AGAP1: variants seen among roughly 807,000 people sequenced by gnomAD.
AGAP1 encodes the protein arf-GAP with GTPase, ANK repeat and PH domain-containing protein 1.
A neutral mutation model predicts 105.3 loss-of-function variants in AGAP1; 29 were observed. The observed-to-expected ratio is 0.28, with a 90% confidence interval of 0.21 to 0.38. The LOEUF (loss-of-function observed/expected upper bound fraction) is 0.38. Ranked by LOEUF, AGAP1 falls within the 10% of genes least tolerant of loss-of-function variation. AGAP1 has a pLI of 1.00. For missense variants in AGAP1, 998 were observed against 1,165.1 expected (o/e 0.86, Z 2.09); for synonymous variants, 509 against 485.9 (o/e 1.05, Z -0.63).
rs1281369518 is a variant in AGAP1 at position 235,664,958 on chromosome 2, C to T, written c.164-44221C>T. 3.3e-5 allele frequency among the ~76,000 whole-genome samples: 5 copies of T among 152,144 alleles called. No homozygotes were observed. The highest frequency in any genetic ancestry group is 4.8e-5 in the African/African-American group (2 of 41,432). ...AACGTTAGCCAAGCATGGTGGCTCA[C>T]GCCTGTAATCCCAGCACTTTAGGAG... On this transcript the variant is annotated intron_variant, in intron 1 of 17. Transcript: ENST00000304032. This position sits in a 1 kb window ranked among gnomAD's most constrained non-coding sequence, Gnocchi z 5.7.
At chr2:235,783,963 TGGACGGACGGACGGAC>T (rs151167254) in intron 6 of AGAP1, among the ~76,000 whole-genome samples, 1 of 151,722 alleles carries the variant, frequency 6.6e-6, no homozygotes, top group Admixed American at 6.6e-5. Context: ...GAAAATGAAA[TGGACGGACGGACGGAC>T]GGATGGACGG....
At position 235,963,922 on chromosome 2, in the gene AGAP1, G is replaced by T. The variant is rs1430910148; in HGVS notation, c.1484-4540G>T. Among the ~76,000 whole-genome samples the T allele has an allele frequency of 1.3e-5, 2 of 151,102 alleles. No homozygotes were observed. The highest frequency in any genetic ancestry group is 2.9e-5 in the Non-Finnish European group (2 of 68,020). ...GGCATAGCTAATGTGTGTGTTCTGA[G>T]TGTCTTCGAAATAGCGGTGTACACT... On this transcript the variant is annotated intron_variant, in intron 12 of 17. Coordinates refer to ENST00000304032, the MANE Select transcript of AGAP1 (RefSeq NM_001037131.3). This position sits in a 1 kb window ranked among gnomAD's most constrained non-coding sequence, Gnocchi z 5.1.
rs559688345 is a variant in AGAP1 at position 236,050,065 on chromosome 2, C to T, written c.2114+784C>T. Among the ~76,000 whole-genome samples the T allele has an allele frequency of 2.0e-4, 31 of 152,272 alleles. No homozygotes were observed. Among genetic ancestry groups the T allele is most frequent in the African/African-American group, 6.7e-4 (28 of 41,552 alleles). On this transcript the variant is annotated intron_variant, in intron 16 of 17. Coordinates refer to ENST00000304032, the MANE Select transcript of AGAP1 (RefSeq NM_001037131.3). This position sits in a 1 kb window ranked among gnomAD's most constrained non-coding sequence, Gnocchi z 4.0. ...AAGTGGGAGGTTGAGGTTTGCTGTCCGTGTTTGCCTCTCAGGTGTCTGAAG... is the reference window on the plus strand; with the variant it reads ...AAGTGGGAGGTTGAGGTTTGCTGTCTGTGTTTGCCTCTCAGGTGTCTGAAG...
At chr2:235,903,132 T>C (rs2051143253) in intron 10 of AGAP1, among the ~76,000 whole-genome samples, 1 of 152,098 alleles carries the variant, frequency 6.6e-6, no homozygotes, top group Non-Finnish European at 1.5e-5. Context: ...TTTTCAGTAT[T>C]ATATATTAAT....
At chr2:235,581,328 G>A (rs1290545235) in intron 1 of AGAP1, among the ~76,000 whole-genome samples, 4 of 151,578 alleles carry the variant, frequency 2.6e-5, no homozygotes, top group African/African-American at 9.7e-5. Context: ...AAAGATGGAG[G>A]GTGAAAGAGA....
intron 1 of AGAP1, among the ~76,000 whole-genome samples, chr2:235,624,550 A>T (rs533902167): frequency 6.6e-6 from 1 of 152,292 alleles, no homozygotes; most frequent in South Asian, 2.1e-4. Flanking sequence ...ATATTTCATT[A>T]CTTAAATATT....
Position 235,744,346 on chromosome 2 carries a change from T to C in AGAP1, c.397-352T>C, listed in dbSNP as rs1952766124. ...TTGAGGGGCTCTGGCAGGAGGTGGG[T>C]CTGGCCTTCTGTCTGCGGGGCCGCC... On this transcript the variant is annotated intron_variant, in intron 4 of 17. Transcript: ENST00000304032. This position sits in a 1 kb window ranked among gnomAD's most constrained non-coding sequence, Gnocchi z 5.2. Among the ~76,000 whole-genome samples, 1 of 152,150 alleles carries C rather than the reference T, an allele frequency of 6.6e-6. No homozygotes were observed. The highest frequency in any genetic ancestry group is 2.4e-5 in the African/African-American group (1 of 41,422).
intron 8 of AGAP1, among the ~76,000 whole-genome samples, chr2:235,802,156 C>A (rs1173591582): frequency 1.3e-5 from 2 of 152,116 alleles, no homozygotes; most frequent in Non-Finnish European, 1.5e-5. Context: ...CAGAGTCAAC[C>A]CATGTTCAAG....
In AGAP1 at chr2:235,799,198, T is replaced by C. The variant is rs944251503; in HGVS notation, c.802-169T>C. Among the ~76,000 whole-genome samples the C allele has an allele frequency of 6.6e-6, 1 of 152,234 alleles. No individual in the cohort carries two copies. Among genetic ancestry groups the C allele is most frequent in the African/African-American group, 2.4e-5 (1 of 41,466 alleles). On this transcript the variant is annotated intron_variant, in intron 7 of 17. Transcript: ENST00000304032. This position sits in a 1 kb window ranked among gnomAD's most constrained non-coding sequence, Gnocchi z 5.0. ...ATTGGCATGTTCCAGGATGAGACTC[T>C]GTAGACATGACACTAATACACCTGG...
At chr2:235,585,615 A>T (rs896706181) in intron 1 of AGAP1, among the ~76,000 whole-genome samples, 1 of 152,116 alleles carries the variant, frequency 6.6e-6, no homozygotes, top group Non-Finnish European at 1.5e-5. Flanking sequence ...TGATCCTTAC[A>T]TCATCATCTG....
rs777237994 is a variant in AGAP1 at position 235,725,795 on chromosome 2, A to G, written c.310+8151A>G. On this transcript the variant is annotated intron_variant, in intron 3 of 17. Coordinates refer to ENST00000304032, the MANE Select transcript of AGAP1 (RefSeq NM_001037131.3). The surrounding 1 kb of genome is among the most constrained non-coding windows in gnomAD (Gnocchi z 5.7). ...CATTCCCCTTTGTTCTTGTCTTCCT[A>G]TGTGTGTGACAGTCCCTAACTTGAC... Among the ~76,000 whole-genome samples the G allele has an allele frequency of 2.0e-5, 3 of 152,166 alleles. No homozygotes were observed. Among genetic ancestry groups the G allele is most frequent in the African/African-American group, 4.8e-5 (2 of 41,418 alleles).
chr2:236,040,477 G>T lies in AGAP1; in HGVS notation c.1801-274G>T. 4.0e-6 allele frequency: 2 copies of T among 494,808 alleles called. No individual in the cohort carries two copies. The highest frequency in any genetic ancestry group is 7.3e-6 in the Non-Finnish European group (2 of 274,786). 30.7% of individuals were successfully genotyped at this position (494,808 alleles called of 1,614,324 possible). The stretch of plus-strand genomic sequence containing the variant: ...CCATGGTCCATGCGTATTCACAGAT[G>T]ATCCAGAACTCTCCTCTTTGCTCAT... On this transcript the variant is annotated intron_variant, in intron 14 of 17. Coordinates refer to ENST00000304032, the MANE Select transcript of AGAP1 (RefSeq NM_001037131.3). This position sits in a 1 kb window ranked among gnomAD's most constrained non-coding sequence, Gnocchi z 5.6.
At position 235,574,316 on chromosome 2, in the gene AGAP1, TCCCTTAC is replaced by T. The variant is rs1171870478; in HGVS notation, c.163+79469_163+79475del. Reference sequence around the variant, plus strand: ...TTCCGAACAGAAAAGCTGAAAATGTTCCCTTACCTTAAGGGAAAGGCCTCAATGGATT... The same window carrying T: ...TTCCGAACAGAAAAGCTGAAAATGTTCTTAAGGGAAAGGCCTCAATGGATT... On this transcript the variant is annotated intron_variant, in intron 1 of 17. Coordinates refer to ENST00000304032, the MANE Select transcript of AGAP1 (RefSeq NM_001037131.3). The surrounding 1 kb of genome is among the most constrained non-coding windows in gnomAD (Gnocchi z 5.0). 2.0e-5 allele frequency among the ~76,000 whole-genome samples: 3 copies of T among 152,242 alleles called. No individual in the cohort carries two copies. Among genetic ancestry groups the T allele is most frequent in the Non-Finnish European group, 4.4e-5 (3 of 68,042 alleles).
chr2:235,957,594 T>C lies in AGAP1; in HGVS notation c.1484-10868T>C, dbSNP rs1477565504. On this transcript the variant is annotated intron_variant, in intron 12 of 17. Coordinates refer to ENST00000304032, the MANE Select transcript of AGAP1 (RefSeq NM_001037131.3). This position sits in a 1 kb window ranked among gnomAD's most constrained non-coding sequence, Gnocchi z 4.6. ...CTGAAAGCTCCCGTCAAAAGGACTA[T>C]GCGAAGGGGTGAGGTTTTGAACCTC... 6.6e-6 allele frequency among the ~76,000 whole-genome samples: 1 copy of C among 152,224 alleles called. No homozygotes were observed. The highest frequency in any genetic ancestry group is 1.5e-5 in the Non-Finnish European group (1 of 68,032).
At chr2:235,774,247 A>G in intron 6 of AGAP1, 1 of 424,270 alleles carries the variant, frequency 2.4e-6, no homozygotes, top group South Asian at 1.8e-5. Flanking sequence ...GAAAATCCGT[A>G]AGGCAGAAAT....
intron 1 of AGAP1, among the ~76,000 whole-genome samples, chr2:235,518,817 G>T (rs1483626567): frequency 6.6e-6 from 1 of 152,176 alleles, no homozygotes; most frequent in South Asian, 2.1e-4. Context: ...CATGTCCTCA[G>T]GTTAAACTTC....
intron 2 of AGAP1, among the ~76,000 whole-genome samples, chr2:235,715,703 G>A (rs893273489): frequency 6.6e-6 from 1 of 152,120 alleles, no homozygotes; most frequent in African/African-American, 2.4e-5. Flanking sequence ...TGGTGTTCTC[G>A]GGTTGAAAAG....
rs766940723 is a variant in AGAP1, at chr2:235,993,045, T to C, written c.1645+24422T>C. On this transcript the variant is annotated intron_variant, in intron 13 of 17. Transcript: ENST00000304032. The surrounding 1 kb of genome is among the most constrained non-coding windows in gnomAD (Gnocchi z 5.0). ...CGTTACAAAAAACCAGTTTAAGACA[T>C]GGACTTTTTTCATATGTACATCTGA... 1.3e-5 allele frequency among the ~76,000 whole-genome samples: 2 copies of C among 152,194 alleles called. No individual in the cohort carries two copies. Among genetic ancestry groups the C allele is most frequent in the Non-Finnish European group, 2.9e-5 (2 of 68,024 alleles).
intron 2 of AGAP1, among the ~76,000 whole-genome samples, chr2:235,713,991 C>A (rs1204626585): frequency 6.6e-6 from 1 of 152,052 alleles, no homozygotes; most frequent in African/African-American, 2.4e-5. Context: ...GATTAGGTTT[C>A]TTTGTTTAAA....
Sources: allele counts gnomAD v4.1 joint callset (sites outside exome capture counted in the v4.1 genomes callset), GRCh38; gene constraint gnomAD v4.1.1; non-coding constraint Gnocchi (gnomAD v3.1); transcripts MANE v1.5; gene names NCBI Gene and HGNC (gene_info 2026-07-23, HGNC 2026-07-21).